SPDYE10: variants seen among roughly 807,000 people sequenced by gnomAD.
SPDYE10 encodes the protein speedy protein E10.
the SPDYE10 span, among the ~76,000 whole-genome samples, chr7:73,132,496 A>G: frequency 1.1e-4 from 17 of 152,086 alleles, no homozygotes; most frequent in South Asian, 2.5e-3. Context: ...GCAGTGAACT[A>G]TGATCACATC....
At chr7:73,137,653 G>GA in the SPDYE10 span, among the ~76,000 whole-genome samples, 1 of 131,462 alleles carries the variant, frequency 7.6e-6, no homozygotes, top group South Asian at 2.7e-4. Flanking sequence ...GAGAAAGAAA[G>GA]AAAAGAGAAA....
chr7:73,142,996 AAGGAAGG>A, the SPDYE10 span, among the ~76,000 whole-genome samples: 1 of 136,932 alleles, frequency 7.3e-6, no homozygotes, highest in African/African-American at 2.7e-5. Flanking sequence ...GGAAGGAAGG[AAGGAAGG>A]AAGGAAGGAA....
the SPDYE10 span, among the ~76,000 whole-genome samples, chr7:73,127,343 G>T: frequency 1.2e-4 from 12 of 100,242 alleles, no homozygotes; most frequent in African/African-American, 4.3e-4. Context: ...CAGAGGTCAG[G>T]AGTTTGAGAT....
the SPDYE10 span, among the ~76,000 whole-genome samples, chr7:73,142,656 G>A: frequency 6.6e-6 from 1 of 152,228 alleles, no homozygotes; most frequent in East Asian, 1.9e-4. Context: ...GAAGCTGTGG[G>A]CCAGGCACAG....
At chr7:73,127,604 A>G in the SPDYE10 span, among the ~76,000 whole-genome samples, 1 of 78,994 alleles carries the variant, frequency 1.3e-5, no homozygotes. Flanking sequence ...GGGGAGAGGA[A>G]GGGGAAGGGG....
chr7:73,147,799 TTTTGTTTGTTTG>T, the SPDYE10 span, among the ~76,000 whole-genome samples: 1 of 142,720 alleles, frequency 7.0e-6, no homozygotes, highest in African/African-American at 2.9e-5. Context: ...CTGGCCTGTT[TTTTGTTTGTTTG>T]TTTGTTTGTT....
At chr7:73,137,638 GAAA>G in the SPDYE10 span, among the ~76,000 whole-genome samples, 2 of 125,648 alleles carry the variant, frequency 1.6e-5, no homozygotes, top group Non-Finnish European at 3.4e-5. Flanking sequence ...AAGAAAGAAA[GAAA>G]GGAGAAAGAA....
the SPDYE10 span, chr7:73,154,845 GC>G: frequency 9.2e-4 from 176 of 190,398 alleles, no homozygotes; most frequent in South Asian, 0.011. Context: ...CACCGGGGGA[GC>G]CCCCCCAGGC....
At chr7:73,134,537 A>AAGAAAGAAAG in the SPDYE10 span, among the ~76,000 whole-genome samples, 6,162 of 139,452 alleles carry the variant, frequency 0.044, 85 homozygotes, top group Admixed American at 0.054. Flanking sequence ...GAAAGAAAGA[A>AAGAAAGAAAG]AAAGAAAGAA....
the SPDYE10 span, among the ~76,000 whole-genome samples, chr7:73,120,698 GA>G: frequency 2.2e-5 from 3 of 135,772 alleles, no homozygotes; most frequent in East Asian, 6.3e-4. Context: ...TGAGGCAGGA[GA>G]ATGGCGTGAA....
At chr7:73,137,627 AAAG>A in the SPDYE10 span, among the ~76,000 whole-genome samples, 4 of 136,518 alleles carry the variant, frequency 2.9e-5, no homozygotes, top group South Asian at 2.3e-4. Context: ...AGAAAGAAAG[AAAG>A]AAAGAAAGAA....
chr7:73,142,940 AAG>A, the SPDYE10 span, among the ~76,000 whole-genome samples: 2 of 140,576 alleles, frequency 1.4e-5, no homozygotes, highest in Non-Finnish European at 3.1e-5. Flanking sequence ...CTCAAAAAAA[AAG>A]AGAGAGAGGG....
At chr7:73,150,907 AATATATAT>A in the SPDYE10 span, among the ~76,000 whole-genome samples, 2 of 11,576 alleles carry the variant, frequency 1.7e-4, no homozygotes, top group African/African-American at 3.5e-4. Flanking sequence ...AAAAAAAAAA[AATATATAT>A]ATATATATAT....
the SPDYE10 span, among the ~76,000 whole-genome samples, chr7:73,149,543 T>C: frequency 6.6e-6 from 1 of 151,888 alleles, no homozygotes; most frequent in African/African-American, 2.4e-5. Flanking sequence ...TGCCTTGGCC[T>C]CCCAAAGTGC....
the SPDYE10 span, among the ~76,000 whole-genome samples, chr7:73,116,715 C>A: frequency 6.6e-6 from 1 of 150,622 alleles, no homozygotes; most frequent in South Asian, 2.1e-4. Context: ...TTCCAAGTAG[C>A]TGGGACCACA....
At chr7:73,152,386 A>G in the SPDYE10 span, among the ~76,000 whole-genome samples, 1 of 131,832 alleles carries the variant, frequency 7.6e-6, no homozygotes, top group African/African-American at 3.0e-5. Context: ...ACCATTTCCA[A>G]CATTTTTTTT....
the SPDYE10 span, among the ~76,000 whole-genome samples, chr7:73,145,043 AT>A: frequency 7.8e-6 from 1 of 128,896 alleles, no homozygotes; most frequent in South Asian, 2.5e-4. Context: ...ATGAGTTAAT[AT>A]AATGTCATGT....
chr7:73,113,783 C>T, the SPDYE10 span, among the ~76,000 whole-genome samples: 3 of 151,986 alleles, frequency 2.0e-5, no homozygotes, highest in Non-Finnish European at 2.9e-5. Flanking sequence ...TGCCTGTAAT[C>T]CCAGCACTTT....
At chr7:73,151,565 A>G in the SPDYE10 span, among the ~76,000 whole-genome samples, 1 of 10,386 alleles carries the variant, frequency 9.6e-5, no homozygotes, top group Non-Finnish European at 2.0e-4. Flanking sequence ...AGAAAGAAAA[A>G]AAAAAACAAT....
Sources: gnomAD v4.1 joint callset for allele counts (sites outside exome capture counted in the v4.1 genomes callset) on GRCh38, gnomAD v4.1.1 for gene constraint, MANE v1.5 for transcripts, NCBI Gene and HGNC (gene_info 2026-07-23, HGNC 2026-07-21) for gene names.